The following HPS1 variants were observed in gnomAD, a reference collection of about 807,000 sequenced individuals.
The protein encoded by HPS1 is HPS1 biogenesis of lysosomal organelles complex 3 subunit 1.
HPS1 carries 59 observed loss-of-function variants against 90.6 expected under a neutral mutation model. The ratio of observed to expected loss-of-function variants is 0.65; its 90% CI spans 0.53 to 0.81. The LOEUF is 0.81. HPS1 is among the 30% of genes least tolerant of loss of function. The probability of loss-of-function intolerance (pLI) is 0.00; values close to 1 mark genes in which losing one functional copy is unlikely to be tolerated. For missense variants in HPS1, 849 were observed against 896.7 expected, an observed-to-expected ratio of 0.95 and a Z score of 0.68; for synonymous variants, 388 against 384.4, an observed-to-expected ratio of 1.01 and a Z score of -0.11.
At chr10:98,433,417 G>A (rs953609820) in intron 6 of HPS1, among the ~76,000 whole-genome samples, 15 of 152,106 alleles carry the variant, frequency 9.9e-5, no homozygotes, top group Admixed American at 2.0e-4. Flanking sequence ...GGAAGGCAAG[G>A]AGTGCTACTG....
At chr10:98,428,175 A>T (rs1268397292) in intron 10 of HPS1, among the ~76,000 whole-genome samples, 1 of 152,236 alleles carries the variant, frequency 6.6e-6, no homozygotes, top group Non-Finnish European at 1.5e-5. Flanking sequence ...ATGCACAGGC[A>T]TCAGTGAGTT....
rs753890577 is a variant in HPS1, at chr10:98,418,161, C to G, written c.1940+14G>C. The G allele has an allele frequency of 5.1e-6, 8 of 1,575,664 alleles. No homozygotes were observed. Among genetic ancestry groups the G allele is most frequent in the Non-Finnish European group, 7.0e-6 (8 of 1,149,820 alleles). ...GGGGGCATCTGTCCCCAGTGGCTCC[C>G]AACGCAGCGTCACCTGTAGTAGTCT... is the stretch of plus-strand genomic sequence containing the variant. On this transcript the variant is annotated intron_variant, in intron 19 of 19. Coordinates refer to ENST00000361490, the MANE Select transcript of HPS1 (RefSeq NM_000195.5).
chr10:98,414,875 G>C (rs555757841), downstream of HPS1: 2 of 1,333,200 alleles, frequency 1.5e-6, no homozygotes, highest in Middle Eastern at 1.9e-4. Context: ...CCCTGCTAGC[G>C]TATAAACTTC....
At chr10:98,430,036 C>G in intron 8 of HPS1, 147 bp from the exon 9 acceptor site, 1 of 672,326 alleles carries the variant, frequency 1.5e-6, no homozygotes, top group South Asian at 1.8e-5. Flanking sequence ...GGTCCTCAGA[C>G]TTCCCAGGGA....
intron 18 of HPS1, 137 bp downstream of exon 18, chr10:98,419,908 C>T: frequency 1.3e-6 from 1 of 755,468 alleles, no homozygotes; most frequent in East Asian, 2.5e-5. Flanking sequence ...AACTCTGGCT[C>T]CCAACCTGCT....
chr10:98,423,630 T>G lies in HPS1; in HGVS notation c.1571A>C (p.Lys524Thr), dbSNP rs1754717048. 1 of 1,613,884 alleles carries G rather than the reference T, an allele frequency of 6.2e-7. No homozygotes were observed. The change falls in exon 16 of 20, where the codon AAG (lysine) becomes ACG (threonine). Residue 524 changes from lysine (K) to threonine (T), a missense_variant. Physicochemically the swap from Lys to Thr is moderately conservative, Grantham distance 78 (BLOSUM62 -1). Coordinates refer to ENST00000361490, the MANE Select transcript of HPS1 (RefSeq NM_000195.5). ...CACCATGGTGATGTTCCTCCTGCTC[T>G]TCACCAGCAAGAAGTCCTTCCAGTC... Reference protein sequence around the residue: ...LTDWKDFLLVKSRRNITMVSY... With the variant: ...LTDWKDFLLVTSRRNITMVSY...
intron 3 of HPS1, among the ~76,000 whole-genome samples, chr10:98,439,384 AG>A (rs1015533538): frequency 2.8e-4 from 42 of 152,194 alleles, no homozygotes; most frequent in African/African-American, 1.0e-3. Flanking sequence ...GCAGAAGCAC[AG>A]GGGTAGGGCT....
At chr10:98,430,515 G>T in intron 8 of HPS1, 56 bp downstream of exon 8, 1 of 1,408,080 alleles carries the variant, frequency 7.1e-7, no homozygotes, top group Non-Finnish European at 9.8e-7. Flanking sequence ...CTTCAGGCAG[G>T]TTTTCTGAAC....
chr10:98,429,879 C>A lies in HPS1; in HGVS notation c.779G>T (p.Arg260Leu). 1 of 1,611,498 alleles carries A rather than the reference C, an allele frequency of 6.2e-7. No individual in the cohort carries two copies. The highest frequency in any genetic ancestry group is 8.5e-7 in the Non-Finnish European group (1 of 1,179,922). ...GATGTTCTGGCTGCTCCGGGCCCTC[C>A]GCGGGGAAGGCTGTGCAGGGCAGGG... ...TAEDDIQPSP[R>L]RARSSQNIPV... The change falls in exon 9 of 20, where the codon CGG becomes CTG. Residue 260 changes from arginine (R) to leucine (L), a missense_variant. Physicochemically the swap from Arg to Leu is moderately radical, Grantham distance 102 (BLOSUM62 -2). Coordinates refer to ENST00000361490, the MANE Select transcript of HPS1 (RefSeq NM_000195.5).
chr10:98,428,155 C>T (rs1229804978), intron 10 of HPS1, among the ~76,000 whole-genome samples: 1 of 152,200 alleles, frequency 6.6e-6, no homozygotes, highest in African/African-American at 2.4e-5. Flanking sequence ...TAGGAACCCT[C>T]ACCCCAGGAA....
At chr10:98,427,361 C>A in intron 10 of HPS1, 97 bp from the exon 11 acceptor site, 3 of 1,046,444 alleles carry the variant, frequency 2.9e-6, no homozygotes, top group South Asian at 1.4e-5. Flanking sequence ...CCCCCCACAA[C>A]CTCAGCCCTT....
In HPS1 at chr10:98,429,844, G is replaced by T; in HGVS notation, c.814C>A (p.Gln272Lys). The change falls in exon 9 of 20, where the codon CAG becomes AAG. Residue 272 changes from glutamine (Q) to lysine (K), a missense_variant. Physicochemically the swap from Gln to Lys is moderately conservative, Grantham distance 53 (BLOSUM62 1). Coordinates refer to ENST00000361490, the MANE Select transcript of HPS1 (RefSeq NM_000195.5). ...CCCGTGGAGTGAGGGCTCCAGGCCT[G>T]CTGCACGGGGATGTTCTGGCTGCTC... ...ARSSQNIPVQ[Q>K]AWSPHSTGPT... is the part of the protein sequence containing the mutation. 6.2e-7 allele frequency: 1 copy of T among 1,613,524 alleles called. No individual in the cohort carries two copies. The highest frequency in any genetic ancestry group is 2.2e-5 in the East Asian group (1 of 44,886).
downstream of HPS1, chr10:98,415,015 C>T: frequency 6.2e-7 from 1 of 1,613,490 alleles, no homozygotes; most frequent in Non-Finnish European, 8.5e-7. Flanking sequence ...TTACCTGCTC[C>T]TATCACCACC....
At chr10:98,415,097 G>A (rs372286594), downstream of HPS1, 10 of 1,613,998 alleles carry the variant, frequency 6.2e-6, no homozygotes, top group South Asian at 2.2e-5. Flanking sequence ...AGGGAGAGGC[G>A]GCCACAGCCT....
rs544775629 is a variant in HPS1 at position 98,417,872 on chromosome 10, G to T, written c.1941-146C>A. The T allele has an allele frequency of 9.8e-5, 74 of 754,912 alleles. 1 individual carries two copies. Among genetic ancestry groups the T allele is most frequent in the Middle Eastern group, 7.3e-4 (2 of 2,758 alleles). The allele number at this position is 754,912 out of a possible 1,614,324, so 46.8% of individuals were successfully genotyped here. On this transcript the variant is annotated intron_variant, in intron 19 of 19. Transcript: ENST00000361490. The surrounding 1 kb of genome is among the most constrained non-coding windows in gnomAD (Gnocchi z 4.2). ...GCATGTGGGCCTTGACAACCGCTCC[G>T]GTTCCTCACTGACCTAACAGTGGCA...
At chr10:98,446,296 G>C (rs999370597) in intron 1 of HPS1, among the ~76,000 whole-genome samples, 2 of 152,220 alleles carry the variant, frequency 1.3e-5, no homozygotes, top group African/African-American at 4.8e-5. Context: ...CTGCTGGGAA[G>C]AGAACCTCGC....
intron 6 of HPS1, chr10:98,431,498 C>G: frequency 1.7e-6 from 1 of 604,450 alleles, no homozygotes; most frequent in Non-Finnish European, 2.9e-6. Flanking sequence ...TGAGGCAAGG[C>G]AATACACAAG....
Position 98,425,809 on chromosome 10 carries a change from C to T in HPS1, c.1155+9G>A. On this transcript the variant is annotated intron_variant, in intron 12 of 19. Coordinates refer to ENST00000361490, the MANE Select transcript of HPS1 (RefSeq NM_000195.5). ...AGCATCATCAGGGCAGGGTGAGGGGCTCTCCTACCCTGGTCAGGAGCACCA... is the reference window on the plus strand; with the variant it reads ...AGCATCATCAGGGCAGGGTGAGGGGTTCTCCTACCCTGGTCAGGAGCACCA... 1 of 1,611,668 alleles carries T rather than the reference C, an allele frequency of 6.2e-7. No homozygotes were observed. Among genetic ancestry groups the T allele is most frequent in the South Asian group, 1.1e-5 (1 of 90,958 alleles).
At chr10:98,422,224 T>G in intron 17 of HPS1, 145 bp downstream of exon 17, 2 of 816,018 alleles carry the variant, frequency 2.5e-6, no homozygotes, top group Non-Finnish European at 4.1e-6. Context: ...TTGTCGAGCA[T>G]TTATTTATGC....
Sources: allele counts gnomAD v4.1 joint callset (sites outside exome capture counted in the v4.1 genomes callset), GRCh38; gene constraint gnomAD v4.1.1; non-coding constraint Gnocchi (gnomAD v3.1); transcripts MANE v1.5; gene names NCBI Gene and HGNC (gene_info 2026-07-23, HGNC 2026-07-21).